FAM117B: variants seen among roughly 807,000 people sequenced by gnomAD.
FAM117B encodes the protein protein FAM117B.
A neutral mutation model predicts 52.8 loss-of-function variants in FAM117B; 22 were observed. That is an observed-to-expected ratio of 0.42 (90% CI 0.30 to 0.59). The LOEUF (loss-of-function observed/expected upper bound fraction) is 0.59, where lower values mean the gene tolerates loss of function less well. FAM117B is among the 20% of genes least tolerant of loss of function. The pLI is 0.22. For synonymous variants in FAM117B, 309 were observed against 324.1 expected (o/e 0.95, Z 0.50); for missense variants, 678 against 802.6 (o/e 0.84, Z 1.88).
intron 1 of FAM117B, among the ~76,000 whole-genome samples, chr2:202,691,649 TTGTGTG>T (rs199855927): frequency 0.16 from 20,370 of 126,656 alleles, 1,691 homozygotes; most frequent in East Asian, 0.35. Flanking sequence ...CCAGTTTACA[TTGTGTG>T]TGTGTGTGTG....
At chr2:202,690,153 C>T (rs1232142014) in intron 1 of FAM117B, among the ~76,000 whole-genome samples, 1 of 152,108 alleles carries the variant, frequency 6.6e-6, no homozygotes, top group East Asian at 1.9e-4. Context: ...CTGAAATTTT[C>T]AATGCTACAC....
chr2:202,712,487 T>C (rs1690974986), intron 2 of FAM117B, among the ~76,000 whole-genome samples: 1 of 149,522 alleles, frequency 6.7e-6, no homozygotes, highest in South Asian at 2.1e-4. Flanking sequence ...GATCATATTA[T>C]CTGCAAACAA....
intron 4 of FAM117B, among the ~76,000 whole-genome samples, chr2:202,736,833 A>C (rs1691445325): frequency 6.6e-6 from 1 of 151,932 alleles, no homozygotes; most frequent in South Asian, 2.1e-4. Flanking sequence ...TTTCTGGCTC[A>C]TTTTTCTCTC....
chr2:202,712,665 A>T (rs77963281), intron 2 of FAM117B, among the ~76,000 whole-genome samples: 1 of 152,018 alleles, frequency 6.6e-6, no homozygotes, highest in Non-Finnish European at 1.5e-5. Context: ...TCCCTATTCA[A>T]TATGACACTA....
At chr2:202,648,172 G>GT (rs1389169168) in intron 1 of FAM117B, among the ~76,000 whole-genome samples, 1 of 152,054 alleles carries the variant, frequency 6.6e-6, no homozygotes, top group Non-Finnish European at 1.5e-5. Context: ...AAATCCAGTT[G>GT]TTTCTTTGTA....
At chr2:202,728,552 C>T (rs1458560958) in intron 4 of FAM117B, among the ~76,000 whole-genome samples, 1 of 152,114 alleles carries the variant, frequency 6.6e-6, no homozygotes, top group Admixed American at 6.5e-5. Flanking sequence ...ATTTGCCAAC[C>T]TTCCCCTTCC....
At chr2:202,733,870 T>G (rs1212460062) in intron 4 of FAM117B, among the ~76,000 whole-genome samples, 1 of 152,202 alleles carries the variant, frequency 6.6e-6, no homozygotes, top group Non-Finnish European at 1.5e-5. Flanking sequence ...GATTAAGAGA[T>G]TAAAGTAAAA....
intron 2 of FAM117B, among the ~76,000 whole-genome samples, chr2:202,706,174 C>T (rs1690866256): frequency 6.6e-6 from 1 of 152,122 alleles, no homozygotes; most frequent in African/African-American, 2.4e-5. Flanking sequence ...CAGTCGCATG[C>T]CCCCACATGT....
intron 1 of FAM117B, among the ~76,000 whole-genome samples, chr2:202,683,841 T>C (rs1690498241): frequency 6.6e-6 from 1 of 152,116 alleles, no homozygotes; most frequent in Non-Finnish European, 1.5e-5. Flanking sequence ...ACACAGACAT[T>C]GTAAGAAAAC....
intron 1 of FAM117B, among the ~76,000 whole-genome samples, chr2:202,682,580 A>G (rs889975728): frequency 6.6e-6 from 1 of 152,184 alleles, no homozygotes; most frequent in Non-Finnish European, 1.5e-5. Context: ...TCAGGGAAAT[A>G]TCCCGCTTCA....
chr2:202,734,386 T>A (rs547621140), intron 4 of FAM117B, among the ~76,000 whole-genome samples: 1 of 152,298 alleles, frequency 6.6e-6, no homozygotes, highest in African/African-American at 2.4e-5. Flanking sequence ...AAACCCATAG[T>A]TGTACAATTT....
At chr2:202,718,781 A>G (rs1691102141) in intron 2 of FAM117B, among the ~76,000 whole-genome samples, 2 of 152,132 alleles carry the variant, frequency 1.3e-5, no homozygotes, top group African/African-American at 4.8e-5. Flanking sequence ...TGCTTTTCCC[A>G]CCATTTGACT....
intron 4 of FAM117B, among the ~76,000 whole-genome samples, chr2:202,751,116 G>A (rs1299758941): frequency 2.6e-5 from 4 of 152,114 alleles, no homozygotes; most frequent in African/African-American, 9.7e-5. Context: ...ATATAGATAA[G>A]CTTTAGTCCC....
intron 1 of FAM117B, among the ~76,000 whole-genome samples, chr2:202,672,390 T>G (rs1049482284): frequency 8.5e-5 from 13 of 152,190 alleles, no homozygotes; most frequent in Non-Finnish European, 2.9e-5. Context: ...TTTTTGTATT[T>G]TTAGTAGAGA....
intron 1 of FAM117B, among the ~76,000 whole-genome samples, chr2:202,640,639 G>T (rs1314683926): frequency 2.0e-5 from 3 of 151,120 alleles, no homozygotes; most frequent in Admixed American, 2.0e-4. Flanking sequence ...TTGGAGACTG[G>T]GTCTCTGTCA....
At chr2:202,655,865 A>C (rs1690048847) in intron 1 of FAM117B, among the ~76,000 whole-genome samples, 1 of 152,050 alleles carries the variant, frequency 6.6e-6, no homozygotes, top group Admixed American at 6.6e-5. Flanking sequence ...GTGAACAATC[A>C]ATTGGGAGAA....
chr2:202,683,253 T>C (rs1690490365), intron 1 of FAM117B, among the ~76,000 whole-genome samples: 1 of 151,828 alleles, frequency 6.6e-6, no homozygotes, highest in African/African-American at 2.4e-5. Context: ...GCTTGAACCC[T>C]GGGAGGCGGA....
At chr2:202,711,551 A>C (rs558873211) in intron 2 of FAM117B, among the ~76,000 whole-genome samples, 4 of 152,100 alleles carry the variant, frequency 2.6e-5, no homozygotes, top group Non-Finnish European at 5.9e-5. Context: ...TTAACTTGAT[A>C]TGACCCTATT....
At chr2:202,757,491 T>G in intron 6 of FAM117B, 53 bp downstream of exon 6, 2 of 1,517,478 alleles carry the variant, frequency 1.3e-6, no homozygotes, top group South Asian at 1.1e-5. Context: ...CCTCCTCTTG[T>G]ATCATTCATT....
Sources: allele counts gnomAD v4.1 joint callset (sites outside exome capture counted in the v4.1 genomes callset), GRCh38; gene constraint gnomAD v4.1.1; transcripts MANE v1.5; gene names NCBI Gene and HGNC (gene_info 2026-07-23, HGNC 2026-07-21).